The following FAAH2 variants were observed in gnomAD, a reference collection of about 807,000 sequenced individuals.
FAAH2 encodes fatty acid amide hydrolase 2.
Under a neutral mutation model 36.9 loss-of-function variants are expected in FAAH2, and 60 were observed. The observed-to-expected ratio is 1.63, with a 90% CI of 1.32 to 2.02. The LOEUF (loss-of-function observed/expected upper bound fraction) is 2.02, where lower values mean the gene tolerates loss of function less well. Among genes scored for constraint, FAAH2 ranks in the 30% most tolerant of loss-of-function variants. The pLI, the probability that FAAH2 is intolerant of heterozygous loss-of-function variation, is 0.00. For missense variants in FAAH2, 689 were observed against 397.5 expected, an observed-to-expected ratio of 1.73 and a Z score of -6.23; for synonymous variants, 214 against 143.8, an observed-to-expected ratio of 1.49 and a Z score of -3.49.
intron 8 of FAAH2, among the ~76,000 whole-genome samples, chrX:57,443,598 C>T (rs1328240175): frequency 8.9e-6 from 1 of 111,855 alleles, no homozygotes; most frequent in Non-Finnish European, 1.9e-5. Context: ...TTGTCGGACG[C>T]CTTCTTCTCT....
Position 57,489,040 on chromosome X carries a change from G to T in FAAH2, c.*108G>T. ...AGCAGACAAGCAGAGAAACAACTGG[G>T]GAATTTATTGACTCATTTAGTTATT... On this transcript the variant is annotated 3_prime_UTR_variant, in exon 11 of 11. Transcript: ENST00000374900. 1.3e-6 allele frequency: 1 copy of T among 774,011 alleles called. No individual in the cohort carries two copies. The highest frequency in any genetic ancestry group is 1.8e-6 in the Non-Finnish European group (1 of 558,287). 63.8% of individuals were successfully genotyped at this position (774,011 alleles called of 1,213,427 possible). A position where few individuals can be genotyped will look rare whatever the true frequency, so the allele number is the denominator to read the frequency against.
chrX:57,163,704 C>G, the FAAH2 span, among the ~76,000 whole-genome samples: 2 of 112,309 alleles, frequency 1.8e-5, no homozygotes, highest in African/African-American at 6.5e-5. Flanking sequence ...GAGGCAATGC[C>G]TCGCCCTGCT....
intron 1 of FAAH2, among the ~76,000 whole-genome samples, chrX:57,289,154 A>G (rs961149738): frequency 8.9e-6 from 1 of 112,045 alleles, no homozygotes; most frequent in African/African-American, 3.2e-5. Flanking sequence ...TAAAGTTTAG[A>G]GCTTTCTAAT....
chrX:57,156,737 C>T, the FAAH2 span, among the ~76,000 whole-genome samples: 11 of 111,710 alleles, frequency 9.8e-5, no homozygotes, highest in African/African-American at 3.6e-4. Flanking sequence ...TCTCTTTCTG[C>T]TAATCAGATG....
the FAAH2 span, among the ~76,000 whole-genome samples, chrX:57,262,145 T>C: frequency 9.0e-6 from 1 of 110,849 alleles, no homozygotes; most frequent in South Asian, 3.8e-4. Context: ...AAAACAAACA[T>C]AAAAAGACTC....
intron 3 of FAAH2, among the ~76,000 whole-genome samples, chrX:57,328,549 T>C (rs184075364): frequency 8.9e-6 from 1 of 111,735 alleles, no homozygotes; most frequent in East Asian, 2.8e-4. Context: ...TTCTGAATTC[T>C]ATTTATCTCA....
At chrX:57,382,446 GAA>G (rs1317386077) in intron 7 of FAAH2, among the ~76,000 whole-genome samples, 1 of 111,158 alleles carries the variant, frequency 9.0e-6, no homozygotes, top group African/African-American at 3.3e-5. Flanking sequence ...AATAAAGAAG[GAA>G]AGAGAGAAGA....
chrX:57,394,437 C>T, intron 7 of FAAH2: 3 of 1,197,953 alleles, frequency 2.5e-6, no homozygotes, highest in Non-Finnish European at 3.4e-6. Context: ...AGACCAATTA[C>T]TCAAGCCAGC....
chrX:57,133,814 T>C, the FAAH2 span, among the ~76,000 whole-genome samples: 1 of 112,103 alleles, frequency 8.9e-6, no homozygotes, highest in Non-Finnish European at 1.9e-5. Flanking sequence ...GTGTGATGTA[T>C]ACAAGAAAAT....
At chrX:57,467,762 C>T (rs975534150) in intron 10 of FAAH2, among the ~76,000 whole-genome samples, 2 of 111,524 alleles carry the variant, frequency 1.8e-5, no homozygotes, top group Non-Finnish European at 3.8e-5. Context: ...GTGGTTCTCC[C>T]AGCACAGTTT....
At chrX:57,243,346 C>A in the FAAH2 span, among the ~76,000 whole-genome samples, 3 of 112,191 alleles carry the variant, frequency 2.7e-5, no homozygotes, top group African/African-American at 9.7e-5. Flanking sequence ...ATGTTCCTGC[C>A]TGCCAGCTCT....
chrX:57,392,993 G>T (rs1439014085), intron 7 of FAAH2: 4 of 929,339 alleles, frequency 4.3e-6, no homozygotes, highest in Non-Finnish European at 6.2e-6. Flanking sequence ...CTGGGAGCTT[G>T]AGGTCATAAA....
chrX:57,261,979 G>C, the FAAH2 span, among the ~76,000 whole-genome samples: 37,052 of 107,641 alleles, frequency 0.34, 5,083 homozygotes, highest in Middle Eastern at 0.61. Flanking sequence ...AATTAAGTAT[G>C]ACATCTGTAT....
the FAAH2 span, among the ~76,000 whole-genome samples, chrX:57,189,520 A>G: frequency 9.2e-6 from 1 of 109,243 alleles, no homozygotes; most frequent in East Asian, 3.0e-4. Flanking sequence ...ATCTTCATGG[A>G]TTTATCTACC....
chrX:57,165,368 G>T, the FAAH2 span, among the ~76,000 whole-genome samples: 23 of 111,556 alleles, frequency 2.1e-4, no homozygotes, highest in African/African-American at 6.8e-4. Flanking sequence ...CCATAAAAAA[G>T]GATGAGTTCA....
At chrX:57,453,521 A>G (rs2147194947) in intron 10 of FAAH2, among the ~76,000 whole-genome samples, 1 of 111,079 alleles carries the variant, frequency 9.0e-6, no homozygotes, top group African/African-American at 3.3e-5. Flanking sequence ...CACCACTCAT[A>G]GCCAGGCAGC....
At chrX:57,384,935 G>C (rs1158055798) in intron 7 of FAAH2, among the ~76,000 whole-genome samples, 2 of 111,658 alleles carry the variant, frequency 1.8e-5, no homozygotes, top group African/African-American at 3.3e-5. Context: ...ATACACCATG[G>C]AATACTATGC....
At chrX:57,207,825 C>T in the FAAH2 span, among the ~76,000 whole-genome samples, 1 of 112,590 alleles carries the variant, frequency 8.9e-6, no homozygotes, top group Non-Finnish European at 1.9e-5. Context: ...GCAGAAGGCT[C>T]ACAGCTTTTG....
chrX:57,439,993 T>C (rs1003824242), intron 8 of FAAH2, among the ~76,000 whole-genome samples: 2 of 111,826 alleles, frequency 1.8e-5, no homozygotes, highest in African/African-American at 6.5e-5. Flanking sequence ...CATGCTGTTT[T>C]GGTTACTGTA....
Sources: gnomAD v4.1 joint callset for allele counts (sites outside exome capture counted in the v4.1 genomes callset) on GRCh38, gnomAD v4.1.1 for gene constraint, MANE v1.5 for transcripts, NCBI Gene and HGNC (gene_info 2026-07-23, HGNC 2026-07-21) for gene names.